The following DACH1 variants were observed in gnomAD, a reference collection of about 807,000 sequenced individuals.
DACH1 encodes dachshund homolog 1.
In DACH1, 12 loss-of-function variants were observed where a neutral mutation model predicts 54.2. The ratio of observed to expected loss-of-function variants is 0.22; its 90% confidence interval spans 0.14 to 0.36. DACH1 has a LOEUF of 0.36. DACH1 is among the 10% of genes least tolerant of loss of function. The pLI, the probability that DACH1 is intolerant of heterozygous loss-of-function variation, is 1.00. For synonymous variants in DACH1, 386 were observed against 366.2 expected (o/e 1.05, Z -0.62); for missense variants, 805 against 929.8 (o/e 0.87, Z 1.75).
intron 10 of DACH1, 45 bp downstream of exon 10, chr13:71,475,096 C>G (rs1415530533): frequency 6.4e-7 from 1 of 1,567,270 alleles, no homozygotes; most frequent in Admixed American, 1.7e-5. Flanking sequence ...TGAGGAAAAA[C>G]TCATATAGCA....
intron 3 of DACH1, among the ~76,000 whole-genome samples, chr13:71,579,248 G>A (rs1480766613): frequency 2.6e-5 from 4 of 152,016 alleles, no homozygotes; most frequent in Non-Finnish European, 4.4e-5. Context: ...TCAAAACTTT[G>A]TTAATTCTAA....
chr13:71,448,490 T>G (rs1874673476), intron 10 of DACH1, among the ~76,000 whole-genome samples: 1 of 152,190 alleles, frequency 6.6e-6, no homozygotes, highest in Non-Finnish European at 1.5e-5. Context: ...TCATAACCCC[T>G]CTTCTAAAAC....
chr13:71,669,668 G>C (rs1424606474), intron 2 of DACH1, among the ~76,000 whole-genome samples: 1 of 152,140 alleles, frequency 6.6e-6, no homozygotes. Context: ...TCTTCACAAA[G>C]TCCTATTGAG....
chr13:71,486,563 CAAT>C (rs1878518486), intron 7 of DACH1, among the ~76,000 whole-genome samples: 1 of 151,872 alleles, frequency 6.6e-6, no homozygotes, highest in Admixed American at 6.6e-5. Flanking sequence ...TCATTACTAA[CAAT>C]AAATATGTGT....
chr13:71,756,454 C>G (rs1016405112), intron 1 of DACH1, among the ~76,000 whole-genome samples: 50 of 151,652 alleles, frequency 3.3e-4, no homozygotes, highest in African/African-American at 1.2e-3. Flanking sequence ...CCTTTTAAAA[C>G]TTATAATTCA....
At chr13:71,442,169 C>T (rs1049091449) in intron 10 of DACH1, among the ~76,000 whole-genome samples, 1 of 151,974 alleles carries the variant, frequency 6.6e-6, no homozygotes, top group African/African-American at 2.4e-5. Context: ...TAACTATCCC[C>T]ACTCCCTCCC....
chr13:71,584,464 C>T lies in DACH1; in HGVS notation c.1127-11452G>A, dbSNP rs187050823. ...ATACCAATAAACAATAATGGAAAGA[C>T]GACTTGTCTTTTAATACTTGTGTGT... On this transcript the variant is annotated intron_variant, in intron 3 of 10. Coordinates refer to ENST00000613252, the MANE Select transcript of DACH1 (RefSeq NM_080759.6). Among the ~76,000 whole-genome samples, 405 of 152,098 alleles carry T rather than the reference C, an allele frequency of 2.7e-3. 7 individuals carry two copies. Among genetic ancestry groups the T allele is most frequent in the Non-Finnish European group, 5.6e-4 (38 of 67,952 alleles).
chr13:71,527,857 A>T (rs1036467895), intron 6 of DACH1, among the ~76,000 whole-genome samples: 1 of 151,530 alleles, frequency 6.6e-6, no homozygotes, highest in Non-Finnish European at 1.5e-5. Flanking sequence ...ACAACATGAA[A>T]CTGCAAGTTA....
intron 2 of DACH1, among the ~76,000 whole-genome samples, chr13:71,644,163 A>T (rs1878109083): frequency 6.6e-6 from 1 of 152,174 alleles, no homozygotes; most frequent in African/African-American, 2.4e-5. Flanking sequence ...TGTAGTTTTG[A>T]TATTAATTAA....
intron 5 of DACH1, among the ~76,000 whole-genome samples, chr13:71,559,181 A>G (rs1224277472): frequency 6.6e-6 from 1 of 152,152 alleles, no homozygotes; most frequent in Non-Finnish European, 1.5e-5. Flanking sequence ...AACTACCAAG[A>G]TTAAATATTG....
chr13:71,494,909 A>G (rs927434603), intron 6 of DACH1, among the ~76,000 whole-genome samples: 3 of 152,070 alleles, frequency 2.0e-5, no homozygotes, highest in African/African-American at 7.2e-5. Context: ...CAATCTTATC[A>G]CACATAACAA....
chr13:71,574,228 T>C (rs1364541075), intron 3 of DACH1, among the ~76,000 whole-genome samples: 2 of 152,164 alleles, frequency 1.3e-5, no homozygotes, highest in African/African-American at 2.4e-5. Flanking sequence ...TTTAAAAAGA[T>C]CATGAAATAC....
chr13:71,662,465 T>C (rs1168879106), intron 2 of DACH1, among the ~76,000 whole-genome samples: 1 of 151,966 alleles, frequency 6.6e-6, no homozygotes, highest in Non-Finnish European at 1.5e-5. Flanking sequence ...CAAAATTTAC[T>C]CATCTGTAAA....
At chr13:71,532,443 C>T (rs1289883582) in intron 6 of DACH1, among the ~76,000 whole-genome samples, 1 of 151,456 alleles carries the variant, frequency 6.6e-6, no homozygotes, top group Non-Finnish European at 1.5e-5. Flanking sequence ...TCCCGTTCCA[C>T]CAAAAGGAAT....
intron 3 of DACH1, among the ~76,000 whole-genome samples, chr13:71,625,480 G>C (rs952076207): frequency 2.6e-5 from 4 of 152,000 alleles, no homozygotes; most frequent in Admixed American, 1.3e-4. Flanking sequence ...AGAAAGATAA[G>C]AGTAGGGTGA....
At chr13:71,727,841 T>C (rs1883544171) in intron 1 of DACH1, among the ~76,000 whole-genome samples, 1 of 152,118 alleles carries the variant, frequency 6.6e-6, no homozygotes, top group South Asian at 2.1e-4. Flanking sequence ...CTAAGCAAAG[T>C]AGTAAGTAAC....
chr13:71,699,274 TGAA>T (rs139677382), intron 1 of DACH1, among the ~76,000 whole-genome samples: 5,223 of 152,202 alleles, frequency 0.034, 195 homozygotes, highest in African/African-American at 0.096. Flanking sequence ...AAGATAAAAA[TGAA>T]TATAGACACG....
At chr13:71,840,819 C>G (rs1481642635) in intron 1 of DACH1, among the ~76,000 whole-genome samples, 1 of 152,128 alleles carries the variant, frequency 6.6e-6, no homozygotes, top group Non-Finnish European at 1.5e-5. Context: ...ATATTCATGT[C>G]TTTAAGCTTA....
rs1428930416 is a variant in DACH1, at chr13:71,603,872, TTTC to T, written c.1126+26681_1126+26683del. 2.0e-5 allele frequency among the ~76,000 whole-genome samples: 3 copies of T among 151,926 alleles called. No homozygotes were observed. In the East Asian group the frequency reaches 5.8e-4, roughly 29 times the overall value. ...AAATTATGAACATTACAAGTTATTG[TTTC>T]TTTATTACAAAGGAGAATAAAGGCC... On this transcript the variant is annotated intron_variant, in intron 3 of 10. Transcript: ENST00000613252.
Sources: gnomAD v4.1 joint callset for allele counts (sites outside exome capture counted in the v4.1 genomes callset) on GRCh38, gnomAD v4.1.1 for gene constraint, MANE v1.5 for transcripts, NCBI Gene and HGNC (gene_info 2026-07-23, HGNC 2026-07-21) for gene names.